STXBP5L: variants seen among roughly 807,000 people sequenced by gnomAD.
The protein encoded by STXBP5L is syntaxin-binding protein 5-like.
Under a neutral mutation model 144.5 loss-of-function variants are expected in STXBP5L, and 65 were observed. The observed-to-expected ratio is 0.45, with a 90% confidence interval of 0.37 to 0.55. STXBP5L has a LOEUF of 0.55. Ranked by LOEUF, STXBP5L falls within the 20% of genes least tolerant of loss-of-function variation. The probability of loss-of-function intolerance (pLI) is 0.00; values close to 1 mark genes in which losing one functional copy is unlikely to be tolerated. For synonymous variants in STXBP5L, 505 were observed against 469.6 expected (o/e 1.08, Z -0.97); for missense variants, 1,298 against 1,405.5 (o/e 0.92, Z 1.22).
chr3:120,985,770 A>AT (rs1232436005), intron 3 of STXBP5L, among the ~76,000 whole-genome samples: 1 of 151,166 alleles, frequency 6.6e-6, no homozygotes, highest in Non-Finnish European at 1.5e-5. Context: ...GTAATATTCC[A>AT]TTTTTCATTT....
At chr3:121,082,569 GAC>G (rs2042302354) in intron 5 of STXBP5L, among the ~76,000 whole-genome samples, 1 of 152,122 alleles carries the variant, frequency 6.6e-6, no homozygotes, top group African/African-American at 2.4e-5. Context: ...ACTCTGCTCT[GAC>G]CATCTTGAAA....
chr3:121,106,492 G>A (rs1158475846), intron 5 of STXBP5L, among the ~76,000 whole-genome samples: 4 of 152,022 alleles, frequency 2.6e-5, no homozygotes, highest in African/African-American at 4.8e-5. Flanking sequence ...GAGAACATGC[G>A]GTGTTTGGTT....
chr3:121,128,119 G>A (rs1194406558), intron 7 of STXBP5L, among the ~76,000 whole-genome samples: 1 of 152,102 alleles, frequency 6.6e-6, no homozygotes, highest in African/African-American at 2.4e-5. Context: ...ATTCACCAAT[G>A]AAATGTGTTT....
intron 9 of STXBP5L, among the ~76,000 whole-genome samples, chr3:121,192,361 A>G (rs778721491): frequency 2.6e-5 from 4 of 152,252 alleles, no homozygotes; most frequent in Non-Finnish European, 4.4e-5. Flanking sequence ...GCTCATGGAT[A>G]GGAAGAATCA....
chr3:121,010,563 C>A (rs1944695877), intron 3 of STXBP5L, among the ~76,000 whole-genome samples: 2 of 151,484 alleles, frequency 1.3e-5, no homozygotes. Context: ...CCTTGAACAA[C>A]ACGGGGGTTA....
At chr3:121,303,886 G>C (rs2043236820) in intron 19 of STXBP5L, among the ~76,000 whole-genome samples, 1 of 152,082 alleles carries the variant, frequency 6.6e-6, no homozygotes, top group Admixed American at 6.6e-5. Context: ...TGTGGGGTGG[G>C]GGGAGTGGGG....
At chr3:121,239,150 G>A in intron 13 of STXBP5L, 32 bp downstream of exon 13, 2 of 1,287,466 alleles carry the variant, frequency 1.6e-6, no homozygotes, top group South Asian at 1.5e-5. Context: ...AACTTTTTTT[G>A]TATTCATATC....
intron 5 of STXBP5L, among the ~76,000 whole-genome samples, chr3:121,057,787 A>G (rs970045113): frequency 7.9e-5 from 12 of 152,078 alleles, no homozygotes; most frequent in Admixed American, 3.3e-4. Context: ...TTTAGAAAAT[A>G]TATCAATAAT....
intron 5 of STXBP5L, among the ~76,000 whole-genome samples, chr3:121,111,439 ATGT>A (rs1384225157): frequency 6.6e-6 from 1 of 151,930 alleles, no homozygotes; most frequent in Non-Finnish European, 1.5e-5. Flanking sequence ...TTTTTTGTTA[ATGT>A]TGTTGCTGCT....
chr3:121,406,899 A>G (rs1241624576), intron 22 of STXBP5L, among the ~76,000 whole-genome samples: 1 of 152,026 alleles, frequency 6.6e-6, no homozygotes, highest in Non-Finnish European at 1.5e-5. Context: ...GTATAATGAA[A>G]GAATCGTGGG....
chr3:121,055,791 C>G (rs1349995666), intron 5 of STXBP5L, among the ~76,000 whole-genome samples: 1 of 151,968 alleles, frequency 6.6e-6, no homozygotes, highest in African/African-American at 2.4e-5. Flanking sequence ...CCTTGAATTC[C>G]TGGGCTACAG....
chr3:121,073,137 G>C lies in STXBP5L; in HGVS notation c.470+27602G>C, dbSNP rs188452390. 2.2e-3 allele frequency among the ~76,000 whole-genome samples: 338 copies of C among 152,326 alleles called. 15 individuals are homozygous for C. Among genetic ancestry groups the C allele is most frequent in the Admixed American group, 0.022 (334 of 15,304 alleles). On this transcript the variant is annotated intron_variant, in intron 5 of 26. Coordinates refer to ENST00000471454, the MANE Select transcript of STXBP5L (RefSeq NM_001308330.2). ...TAACATCTGGGTCTCTTAAGGGCTA[G>C]TCCGTTAAGTTTTTTTGGCTTGATA...
chr3:121,003,649 T>A (rs189688665), intron 3 of STXBP5L, among the ~76,000 whole-genome samples: 213 of 152,328 alleles, frequency 1.4e-3, no homozygotes, highest in Middle Eastern at 6.8e-3. Flanking sequence ...CTGAATGGTA[T>A]TGCCTAGGTT....
Position 121,403,963 on chromosome 3 carries a change from A to G in STXBP5L, c.2588-3280A>G, listed in dbSNP as rs373722381. On this transcript the variant is annotated intron_variant, in intron 22 of 26. Coordinates refer to ENST00000471454, the MANE Select transcript of STXBP5L (RefSeq NM_001308330.2). ...GATTCTTTGAAACTTTTCTCTTTATATTGAAGCACTAGATGAATTCAGCCA... is the reference window on the plus strand; with the variant it reads ...GATTCTTTGAAACTTTTCTCTTTATGTTGAAGCACTAGATGAATTCAGCCA... Among the ~76,000 whole-genome samples the G allele has an allele frequency of 3.3e-4, 50 of 152,230 alleles. No individual in the cohort carries two copies. The South Asian group carries it at 0.01, about 32-fold the overall frequency.
At chr3:120,989,824 A>G (rs1413819934) in intron 3 of STXBP5L, among the ~76,000 whole-genome samples, 1 of 152,056 alleles carries the variant, frequency 6.6e-6, no homozygotes, top group Non-Finnish European at 1.5e-5. Context: ...TACTCTACCT[A>G]ATATCCATAT....
intron 3 of STXBP5L, among the ~76,000 whole-genome samples, chr3:120,983,460 T>C (rs1941996964): frequency 6.6e-6 from 1 of 151,948 alleles, no homozygotes; most frequent in Non-Finnish European, 1.5e-5. Flanking sequence ...GCCTTGTGGC[T>C]GGGGCAGTGA....
chr3:121,359,250 G>T (rs1239484878), intron 20 of STXBP5L, among the ~76,000 whole-genome samples: 2 of 151,998 alleles, frequency 1.3e-5, no homozygotes, highest in Non-Finnish European at 2.9e-5. Flanking sequence ...ATTTGTACGT[G>T]ATGTTTTAGA....
At chr3:120,975,527 C>T (rs560503143) in intron 3 of STXBP5L, among the ~76,000 whole-genome samples, 1 of 152,116 alleles carries the variant, frequency 6.6e-6, no homozygotes, top group Non-Finnish European at 1.5e-5. Flanking sequence ...TAATTGAATA[C>T]CCTTTATTTC....
chr3:121,211,682 G>A (rs1388058344), intron 10 of STXBP5L, among the ~76,000 whole-genome samples: 4 of 148,980 alleles, frequency 2.7e-5, no homozygotes, highest in African/African-American at 7.4e-5. Flanking sequence ...GGGTTCAAGC[G>A]ATTCTCCTGC....
Sources: gnomAD v4.1 joint callset for allele counts (sites outside exome capture counted in the v4.1 genomes callset) on GRCh38, gnomAD v4.1.1 for gene constraint, MANE v1.5 for transcripts, NCBI Gene and HGNC (gene_info 2026-07-23, HGNC 2026-07-21) for gene names.